E2F5: variants seen among roughly 807,000 people sequenced by gnomAD.
E2F5 encodes E2F transcription factor 5.
A neutral mutation model predicts 39.1 loss-of-function variants in E2F5; 23 were observed. That is an observed-to-expected ratio of 0.59 (90% CI 0.42 to 0.83). E2F5 has a LOEUF of 0.83. Ranked by LOEUF, E2F5 falls within the 40% of genes least tolerant of loss-of-function variation. E2F5 has a pLI of 0.00. For missense variants in E2F5, 365 were observed against 406.7 expected, an observed-to-expected ratio of 0.90 and a Z score of 0.88; for synonymous variants, 145 against 157.8, an observed-to-expected ratio of 0.92 and a Z score of 0.61.
chr8:85,181,008 G>A (rs559012910), intron 1 of E2F5, among the ~76,000 whole-genome samples: 5 of 152,036 alleles, frequency 3.3e-5, no homozygotes, highest in East Asian at 1.9e-4. Context: ...CTACCAAGTA[G>A]CTGGCACTAC....
chr8:85,180,101 A>G (rs1162603276), intron 1 of E2F5, among the ~76,000 whole-genome samples: 1 of 150,468 alleles, frequency 6.6e-6, no homozygotes, highest in African/African-American at 2.5e-5. Context: ...GCTCACTGCA[A>G]CCTCCACCTC....
intron 1 of E2F5, among the ~76,000 whole-genome samples, chr8:85,186,700 A>G (rs188946733): frequency 3.4e-5 from 5 of 147,308 alleles, no homozygotes; most frequent in Non-Finnish European, 4.5e-5. Flanking sequence ...TATATATGGT[A>G]TATATGGTAT....
chr8:85,202,289 C>A, intron 2 of E2F5, 33 bp downstream of exon 2: 1 of 991,732 alleles, frequency 1.0e-6, no homozygotes, highest in East Asian at 2.6e-5. Context: ...CTTCTGAAAC[C>A]TTTTTTCTTC....
At chr8:85,203,421 T>A (rs1454854544) in intron 3 of E2F5, among the ~76,000 whole-genome samples, 166 bp downstream of exon 3, 1 of 152,138 alleles carries the variant, frequency 6.6e-6, no homozygotes, top group Non-Finnish European at 1.5e-5. Flanking sequence ...TTTCTAAATG[T>A]TACCTTTTTA....
chr8:85,184,933 C>G (rs999187779), intron 1 of E2F5, among the ~76,000 whole-genome samples: 1 of 152,194 alleles, frequency 6.6e-6, no homozygotes, highest in Non-Finnish European at 1.5e-5. Context: ...CATGGCCATA[C>G]TGCCCAAAGT....
At chr8:85,212,063 T>C (rs1812936407) in intron 6 of E2F5, 94 bp from the exon 7 acceptor site, 2 of 930,046 alleles carry the variant, frequency 2.2e-6, no homozygotes, top group Non-Finnish European at 3.4e-6. Flanking sequence ...TAAATGTGCA[T>C]GTCAGTCAAG....
chr8:85,210,048 G>A (rs144981808), intron 6 of E2F5, among the ~76,000 whole-genome samples: 4 of 152,270 alleles, frequency 2.6e-5, no homozygotes, highest in African/African-American at 9.6e-5. Context: ...CAGGAGTAGA[G>A]AGCACAACTC....
At chr8:85,202,510 T>C (rs1469033141) in intron 2 of E2F5, among the ~76,000 whole-genome samples, 1 of 152,226 alleles carries the variant, frequency 6.6e-6, no homozygotes, top group Non-Finnish European at 1.5e-5. Context: ...TTGGCACACA[T>C]TGCATACTGT....
intron 1 of E2F5, among the ~76,000 whole-genome samples, chr8:85,180,511 C>CATATATATATATATATATATAT (rs58188216): frequency 2.5e-5 from 2 of 80,856 alleles, no homozygotes; most frequent in African/African-American, 1.0e-4. Context: ...AGAAACTATA[C>CATATATATATATATATATATAT]ATATATATAT....
Position 85,209,190 on chromosome 8 carries a change from G to A in E2F5, c.664G>A (p.Gly222Arg). 6.2e-7 allele frequency: 1 copy of A among 1,614,024 alleles called. No individual in the cohort carries two copies. Among genetic ancestry groups the A allele is most frequent in the South Asian group, 1.1e-5 (1 of 91,082 alleles). ...KYQINLKSHS[G>R]PIHVLLINKE... Reference sequence around the variant, plus strand: ...CCAGATCAATCTAAAGAGTCATTCAGGACCTATCCATGTGCTGCTTATAAA... The same window carrying A: ...CCAGATCAATCTAAAGAGTCATTCAAGACCTATCCATGTGCTGCTTATAAA... Residue 222 changes from glycine (G) to arginine (R), a missense_variant, in exon 6 of 8, where the codon GGA (glycine) becomes AGA (arginine). Gly to Arg is a moderately radical substitution (Grantham distance 125). Transcript: ENST00000416274.
chr8:85,193,862 T>C (rs764100537), intron 1 of E2F5, among the ~76,000 whole-genome samples: 3 of 152,220 alleles, frequency 2.0e-5, no homozygotes, highest in Admixed American at 1.3e-4. Context: ...TACCACACTT[T>C]GCTTATGAAT....
chr8:85,183,544 T>C (rs982548725), intron 1 of E2F5, among the ~76,000 whole-genome samples: 5 of 152,198 alleles, frequency 3.3e-5, no homozygotes, highest in African/African-American at 1.2e-4. Flanking sequence ...ATGTGGTATA[T>C]ATACAATGGA....
chr8:85,200,321 G>A (rs1812669094), intron 1 of E2F5: 2 of 943,494 alleles, frequency 2.1e-6, no homozygotes, highest in South Asian at 4.9e-5. Context: ...ATCTGTACAT[G>A]TTAGTCATTT....
In E2F5 at chr8:85,207,507, T is replaced by C. The variant is rs577058364; in HGVS notation, c.615+18T>C. Reference sequence around the variant, plus strand: ...CAGAAATGGTATGTAGGATAACTTATGTTTATATAAGTGGGAAAAATGAAT... The same window carrying C: ...CAGAAATGGTATGTAGGATAACTTACGTTTATATAAGTGGGAAAAATGAAT... On this transcript the variant is annotated intron_variant, in intron 5 of 7. Transcript: ENST00000416274. The C allele has an allele frequency of 6.5e-6, 10 of 1,543,092 alleles. No individual in the cohort carries two copies. In the South Asian group the frequency reaches 1.1e-4, roughly 17 times the overall value.
At chr8:85,201,963 G>A in intron 1 of E2F5, 184 bp from the exon 2 acceptor site, 1 of 579,434 alleles carries the variant, frequency 1.7e-6, no homozygotes, top group South Asian at 2.2e-5. Flanking sequence ...CTTTTAAATG[G>A]AATAATTTCT....
chr8:85,208,580 C>A (rs1378839974), intron 5 of E2F5, among the ~76,000 whole-genome samples: 1 of 152,176 alleles, frequency 6.6e-6, no homozygotes, highest in African/African-American at 2.4e-5. Context: ...ACTATATTAT[C>A]TACCTCCTTC....
At chr8:85,194,657 C>T (rs1225175316) in intron 1 of E2F5, among the ~76,000 whole-genome samples, 1 of 150,430 alleles carries the variant, frequency 6.6e-6, no homozygotes, top group Non-Finnish European at 1.5e-5. Flanking sequence ...GCCTCAGCCT[C>T]CCAAGTAGCT....
At chr8:85,211,725 C>T (rs1053793532) in intron 6 of E2F5, among the ~76,000 whole-genome samples, 4 of 138,952 alleles carry the variant, frequency 2.9e-5, no homozygotes, top group Non-Finnish European at 4.5e-5. Flanking sequence ...GATCTCAGCT[C>T]ACTGCAGCCT....
chr8:85,190,644 A>C (rs1024356503), intron 1 of E2F5, among the ~76,000 whole-genome samples: 3 of 151,256 alleles, frequency 2.0e-5, no homozygotes, highest in African/African-American at 7.3e-5. Flanking sequence ...GCTGGGACTA[A>C]AGATGCCCAC....
Sources: gnomAD v4.1 joint callset for allele counts (sites outside exome capture counted in the v4.1 genomes callset) on GRCh38, gnomAD v4.1.1 for gene constraint, MANE v1.5 for transcripts, NCBI Gene and HGNC (gene_info 2026-07-23, HGNC 2026-07-21) for gene names.